Variants in ATP8A1 observed in about 807,000 individuals in gnomAD.
The protein encoded by ATP8A1 is phospholipid-transporting ATPase IA.
Under a neutral mutation model 177.7 loss-of-function variants are expected in ATP8A1, and 90 were observed. The observed-to-expected ratio is 0.51, with a 90% CI of 0.43 to 0.60. The LOEUF is 0.60. Ranked by LOEUF, ATP8A1 falls within the 20% of genes least tolerant of loss-of-function variation. ATP8A1 has a pLI of 0.00. For missense variants in ATP8A1, 1,072 were observed against 1,392.8 expected, an observed-to-expected ratio of 0.77 and a Z score of 3.67; for synonymous variants, 493 against 485.9, an observed-to-expected ratio of 1.01 and a Z score of -0.19.
At chr4:42,528,309 C>T (rs535807230) in intron 20 of ATP8A1, among the ~76,000 whole-genome samples, 1 of 152,244 alleles carries the variant, frequency 6.6e-6, no homozygotes, top group South Asian at 2.1e-4. Context: ...AGAGCTGCCT[C>T]TCCCTAGAAA....
intron 19 of ATP8A1, among the ~76,000 whole-genome samples, chr4:42,545,843 G>A (rs1728855234): frequency 6.6e-6 from 1 of 152,038 alleles, no homozygotes; most frequent in South Asian, 2.1e-4. Context: ...GCATGGTGAT[G>A]TGCACCTGCA....
chr4:42,495,591 A>G (rs1305070411), intron 24 of ATP8A1, among the ~76,000 whole-genome samples: 1 of 141,830 alleles, frequency 7.1e-6, no homozygotes, highest in Non-Finnish European at 1.5e-5. Context: ...ATCAAAACTT[A>G]TTTTAAAAAA....
At position 42,422,853 on chromosome 4, in the gene ATP8A1, G is replaced by T. The variant is rs780058864; in HGVS notation, c.3259C>A (p.Leu1087Met). The stretch of plus-strand genomic sequence containing the variant: ...CCTGGGTCTTGAGATTTTGCCTCCA[G>T]CTCCTGAACTTCATCGACCAATGTT... ...FKTLVDEVQE[L>M]EAKSQDPGAV... The change falls in exon 35 of 37, where the codon CTG becomes ATG. Residue 1087 changes from leucine to methionine, a missense_variant. Coordinates refer to ENST00000381668, the MANE Select transcript of ATP8A1 (RefSeq NM_006095.2). The T allele has an allele frequency of 4.3e-6, 7 of 1,612,702 alleles. No individual in the cohort carries two copies. The highest frequency in any genetic ancestry group is 1.7e-5 in the Admixed American group (1 of 59,994).
intron 33 of ATP8A1, among the ~76,000 whole-genome samples, chr4:42,440,629 G>C (rs759201221): frequency 2.6e-5 from 4 of 151,448 alleles, no homozygotes; most frequent in Non-Finnish European, 5.9e-5. Context: ...TTGATTGATT[G>C]AAAAAAAATA....
intron 25 of ATP8A1, among the ~76,000 whole-genome samples, chr4:42,482,927 AT>A (rs1337886579): frequency 8.5e-5 from 13 of 152,228 alleles, no homozygotes. Flanking sequence ...ACATAAACGA[AT>A]TTGGGAAACA....
At chr4:42,519,456 T>C (rs1305130845) in intron 22 of ATP8A1, among the ~76,000 whole-genome samples, 1 of 152,194 alleles carries the variant, frequency 6.6e-6, no homozygotes, top group African/African-American at 2.4e-5. Flanking sequence ...AAAATAATCC[T>C]TGGAGGCCCA....
At chr4:42,591,496 G>A (rs998551581) in intron 6 of ATP8A1, among the ~76,000 whole-genome samples, 8 of 152,130 alleles carry the variant, frequency 5.3e-5, no homozygotes, top group African/African-American at 1.2e-4. Context: ...GCCTTAGGAA[G>A]TCAGAAGGCA....
chr4:42,479,996 T>TTGTGTATG (rs71200290), intron 25 of ATP8A1, among the ~76,000 whole-genome samples: 1,961 of 135,648 alleles, frequency 0.014, 22 homozygotes, highest in Non-Finnish European at 0.024. Context: ...GCAGTTCTGC[T>TTGTGTATG]TGTGTGTGTG....
intron 24 of ATP8A1, among the ~76,000 whole-genome samples, chr4:42,499,954 G>T (rs553016202): frequency 6.6e-6 from 1 of 152,320 alleles, no homozygotes; most frequent in East Asian, 1.9e-4. Context: ...AGGTATAAGG[G>T]TTTATCATTA....
intron 20 of ATP8A1, 131 bp from the exon 21 acceptor site, chr4:42,524,978 C>T (rs1192857506): frequency 1.9e-6 from 1 of 525,188 alleles, no homozygotes; most frequent in African/African-American, 1.9e-5. Context: ...TTTTAAAGAA[C>T]AAGATATTTT....
chr4:42,415,803 CAATAT>C (rs1298852450), intron 35 of ATP8A1, among the ~76,000 whole-genome samples: 2 of 151,918 alleles, frequency 1.3e-5, no homozygotes, highest in Non-Finnish European at 1.5e-5. Context: ...TGAAATGAAA[CAATAT>C]CATATACAAA....
At chr4:42,569,234 G>A (rs774616747) in intron 14 of ATP8A1, 29 bp from the exon 15 acceptor site, 41 of 1,583,688 alleles carry the variant, frequency 2.6e-5, no homozygotes, top group Admixed American at 3.5e-5. Context: ...GAGGCAGAAA[G>A]AGAGGAAAAA....
In ATP8A1 at chr4:42,569,232, AAG is replaced by A. The variant is rs764054773; in HGVS notation, c.1296-29_1296-28del. The A allele has an allele frequency of 4.4e-6, 7 of 1,584,812 alleles. No individual in the cohort carries two copies. The East Asian group carries it at 1.4e-4, about 31-fold the overall frequency. On this transcript the variant is annotated intron_variant, in intron 14 of 36. Coordinates refer to ENST00000381668, the MANE Select transcript of ATP8A1 (RefSeq NM_006095.2). ...TTCAGAAAGCAAGAAGAGAGGCAGAAAGAGAGGAAAAATAATCACAGAAAGGC... is the reference window on the plus strand; with the variant it reads ...TTCAGAAAGCAAGAAGAGAGGCAGAAAGAGGAAAAATAATCACAGAAAGGC...
At chr4:42,591,709 TA>T in intron 6 of ATP8A1, among the ~76,000 whole-genome samples, 1 of 152,184 alleles carries the variant, frequency 6.6e-6, no homozygotes, top group East Asian at 1.9e-4. Context: ...CATTATTTAT[TA>T]AATGCTAAAA....
chr4:42,443,724 C>T (rs1461465111), intron 32 of ATP8A1, 52 bp from the exon 33 acceptor site: 1 of 793,058 alleles, frequency 1.3e-6, no homozygotes, highest in Non-Finnish European at 2.3e-6. Context: ...ACCGAGTACA[C>T]AAATACTAAT....
At chr4:42,602,590 C>T (rs1560507508) in intron 5 of ATP8A1, among the ~76,000 whole-genome samples, 1 of 151,936 alleles carries the variant, frequency 6.6e-6, no homozygotes, top group Non-Finnish European at 1.5e-5. Flanking sequence ...ATGGTGAAAC[C>T]CTGTCTCTAC....
chr4:42,539,061 G>A (rs961548464), intron 20 of ATP8A1, among the ~76,000 whole-genome samples: 10 of 152,102 alleles, frequency 6.6e-5, no homozygotes, highest in Admixed American at 1.3e-4. Context: ...TATATACCAC[G>A]GAATACTACT....
At chr4:42,463,902 A>G (rs1719441613) in intron 27 of ATP8A1, among the ~76,000 whole-genome samples, 1 of 152,222 alleles carries the variant, frequency 6.6e-6, no homozygotes, top group African/African-American at 2.4e-5. Context: ...TTGAAACATA[A>G]TAGGAACAAC....
At chr4:42,492,905 C>T (rs1722868884) in intron 24 of ATP8A1, among the ~76,000 whole-genome samples, 1 of 152,194 alleles carries the variant, frequency 6.6e-6, no homozygotes, top group African/African-American at 2.4e-5. Context: ...TTTTTACTTC[C>T]CTTCCTTAGA....
Sources: gnomAD v4.1 joint callset for allele counts (sites outside exome capture counted in the v4.1 genomes callset) on GRCh38, gnomAD v4.1.1 for gene constraint, MANE v1.5 for transcripts, NCBI Gene and HGNC (gene_info 2026-07-23, HGNC 2026-07-21) for gene names.